Variants in ZNF678 observed in about 807,000 individuals in gnomAD.
ZNF678 encodes zinc finger protein 678.
ZNF678 carries 5 observed loss-of-function variants against 3.0 expected under a neutral mutation model. The ratio of observed to expected loss-of-function variants is 1.69; its 90% confidence interval spans 0.88 to 3.56. The LOEUF (loss-of-function observed/expected upper bound fraction) is 3.56, where lower values mean the gene tolerates loss of function less well. Ranked by LOEUF, ZNF678 falls within the 30% of genes most tolerant of loss-of-function variation. ZNF678 has a pLI of 0.00. For missense variants in ZNF678, 593 were observed against 605.0 expected (o/e 0.98, Z 0.21); for synonymous variants, 218 against 199.6 (o/e 1.09, Z -0.78).
intron 1 of ZNF678, among the ~76,000 whole-genome samples, chr1:227,575,450 T>C (rs944405510): frequency 6.6e-6 from 1 of 152,180 alleles, no homozygotes; most frequent in Non-Finnish European, 1.5e-5. Flanking sequence ...CTTGTAGAGA[T>C]CTTTCACCTT....
chr1:227,664,780 G>A (rs1659474364), downstream of ZNF678, among the ~76,000 whole-genome samples: 1 of 151,806 alleles, frequency 6.6e-6, no homozygotes, highest in Admixed American at 6.6e-5. Context: ...GGTCACTTCA[G>A]GGTTCTATCC....
At chr1:227,635,211 A>T (rs1262798922) in intron 1 of ZNF678, among the ~76,000 whole-genome samples, 2 of 152,186 alleles carry the variant, frequency 1.3e-5, no homozygotes, top group South Asian at 2.1e-4. Context: ...ATGTATGCAC[A>T]TCTTTTAAAA....
intron 5 of ZNF678, among the ~76,000 whole-genome samples, chr1:227,669,980 GA>G (rs1261511971): frequency 6.6e-6 from 1 of 152,032 alleles, no homozygotes; most frequent in Non-Finnish European, 1.5e-5. Context: ...ATTGTATTAA[GA>G]AAACGTACAT....
At chr1:227,645,427 A>G (rs1658930443) in intron 1 of ZNF678, among the ~76,000 whole-genome samples, 1 of 152,170 alleles carries the variant, frequency 6.6e-6, no homozygotes. Flanking sequence ...TGCCTAATAA[A>G]TTTATTTCAA....
At chr1:227,613,457 G>A (rs1276341212) in intron 1 of ZNF678, among the ~76,000 whole-genome samples, 2 of 152,260 alleles carry the variant, frequency 1.3e-5, no homozygotes, top group Middle Eastern at 3.4e-3. Flanking sequence ...CTGTTACAGG[G>A]GTGGATGTGC....
At chr1:227,622,934 TATAATCAC>T (rs1658316130) in intron 1 of ZNF678, among the ~76,000 whole-genome samples, 1 of 152,192 alleles carries the variant, frequency 6.6e-6, no homozygotes, top group South Asian at 2.1e-4. Flanking sequence ...TTACTATTAA[TATAATCAC>T]ATTCTTGCAA....
chr1:227,612,364 A>G (rs981883147), intron 1 of ZNF678, among the ~76,000 whole-genome samples: 15 of 151,986 alleles, frequency 9.9e-5, no homozygotes, highest in Admixed American at 5.2e-4. Flanking sequence ...CCACATCTTC[A>G]CCAATTCTGG....
At chr1:227,612,036 C>T (rs942163828) in intron 1 of ZNF678, among the ~76,000 whole-genome samples, 3 of 151,754 alleles carry the variant, frequency 2.0e-5, no homozygotes, top group Non-Finnish European at 4.4e-5. Flanking sequence ...AACCAGAGAC[C>T]ATTTTGCCTT....
At chr1:227,624,589 G>A (rs569892690) in intron 1 of ZNF678, among the ~76,000 whole-genome samples, 7 of 152,302 alleles carry the variant, frequency 4.6e-5, no homozygotes, top group Admixed American at 2.6e-4. Context: ...CAAGCCTTTT[G>A]TTCTCTGACC....
chr1:227,590,750 C>A (rs1336504852), intron 1 of ZNF678, among the ~76,000 whole-genome samples: 1 of 151,642 alleles, frequency 6.6e-6, no homozygotes, highest in Non-Finnish European at 1.5e-5. Flanking sequence ...TCCATTATAG[C>A]CCGGTGGGGG....
At chr1:227,650,177 A>C (rs1659055988) in intron 2 of ZNF678, among the ~76,000 whole-genome samples, 3 of 152,128 alleles carry the variant, frequency 2.0e-5, no homozygotes, top group Non-Finnish European at 4.4e-5. Flanking sequence ...TTTTGAGTTA[A>C]TTTCTTGATG....
chr1:227,589,511 G>T lies in ZNF678; in HGVS notation c.-164+25787G>T, dbSNP rs570468419. 5.8e-4 allele frequency among the ~76,000 whole-genome samples: 88 copies of T among 151,750 alleles called. 2 individuals are homozygous for T. The highest frequency in any genetic ancestry group is 3.4e-3 in the Middle Eastern group (1 of 292). On this transcript the variant is annotated intron_variant, in intron 1 of 3. Transcript: ENST00000343776. ...AGACACTGAGTTAAAGAAGGAAGAG[G>T]TTTATTCAGCTGGGAGCATTGGCAA...
intron 2 of ZNF678, among the ~76,000 whole-genome samples, chr1:227,647,681 T>G (rs73094571): frequency 0.011 from 1,632 of 152,306 alleles, 33 homozygotes; most frequent in African/African-American, 0.038. Context: ...CAGGAGCATC[T>G]TCTGCCCCAT....
intron 5 of ZNF678, among the ~76,000 whole-genome samples, chr1:227,676,672 C>T (rs1189855501): frequency 7.2e-6 from 1 of 138,564 alleles, no homozygotes; most frequent in African/African-American, 2.6e-5. Flanking sequence ...TCCCTCCCCC[C>T]TCCCCCTCCC....
intron 1 of ZNF678, among the ~76,000 whole-genome samples, chr1:227,565,889 T>C (rs1656670866): frequency 6.6e-6 from 1 of 152,230 alleles, no homozygotes; most frequent in African/African-American, 2.4e-5. Flanking sequence ...CCCGAGTAGC[T>C]GGGACTGCAG....
chr1:227,649,661 A>G (rs1218543746), intron 2 of ZNF678, among the ~76,000 whole-genome samples: 1 of 152,292 alleles, frequency 6.6e-6, no homozygotes, highest in East Asian at 1.9e-4. Context: ...GTTTCTTCAC[A>G]TTATTGTCAA....
chr1:227,604,845 A>T (rs545487569), intron 1 of ZNF678, among the ~76,000 whole-genome samples: 1 of 151,880 alleles, frequency 6.6e-6, no homozygotes, highest in South Asian at 2.1e-4. Flanking sequence ...CTTCTTTTTC[A>T]GTTAGCACTT....
intron 1 of ZNF678, among the ~76,000 whole-genome samples, chr1:227,642,404 T>C (rs540995320): frequency 3.3e-5 from 5 of 152,292 alleles, no homozygotes; most frequent in Admixed American, 1.3e-4. Context: ...TCTTTAAGTG[T>C]AAACAAGTAC....
intron 1 of ZNF678, chr1:227,582,648 G>T: frequency 5.6e-6 from 1 of 180,074 alleles, no homozygotes; most frequent in Non-Finnish European, 1.2e-5. Context: ...ATTTTTAAAA[G>T]TTTTGCCAAT....
Sources: gnomAD v4.1 joint callset for allele counts (sites outside exome capture counted in the v4.1 genomes callset) on GRCh38, gnomAD v4.1.1 for gene constraint, MANE v1.5 for transcripts, NCBI Gene and HGNC (gene_info 2026-07-23, HGNC 2026-07-21) for gene names.